Variants in EIF4G3 observed in about 807,000 individuals in gnomAD.
The protein encoded by EIF4G3 is eIF-4-gamma 3.
In EIF4G3, 34 loss-of-function variants were observed where a neutral mutation model predicts 186.4. The observed-to-expected ratio is 0.18, with a 90% CI of 0.14 to 0.24. The LOEUF (loss-of-function observed/expected upper bound fraction) is 0.24. EIF4G3 is among the 10% of genes least tolerant of loss of function. The pLI is 1.00. For missense variants in EIF4G3, 1,536 were observed against 1,948.5 expected (o/e 0.79, Z 3.99); for synonymous variants, 673 against 679.5 (o/e 0.99, Z 0.15).
chr1:21,159,736 G>A (rs1329612737), intron 2 of EIF4G3, among the ~76,000 whole-genome samples: 1 of 152,110 alleles, frequency 6.6e-6, no homozygotes, highest in Non-Finnish European at 1.5e-5. Flanking sequence ...GGAGGCCAAG[G>A]CTGGAAGATC....
At chr1:21,054,074 T>C (rs2094444940) in intron 3 of EIF4G3, among the ~76,000 whole-genome samples, 2 of 152,134 alleles carry the variant, frequency 1.3e-5, no homozygotes, top group Non-Finnish European at 2.9e-5. Context: ...GGTTGCCATG[T>C]CTGTGTAGAA....
At chr1:20,812,161 G>A (rs927635030) in intron 35 of EIF4G3, among the ~76,000 whole-genome samples, 2 of 152,152 alleles carry the variant, frequency 1.3e-5, no homozygotes, top group Admixed American at 1.3e-4. Context: ...CGTGGCTCAT[G>A]CCTGTAATTC....
intron 18 of EIF4G3, chr1:20,892,723 T>C (rs1452483488): frequency 5.9e-6 from 9 of 1,532,600 alleles, no homozygotes; most frequent in Admixed American, 2.0e-5. Context: ...CTCTGCACTT[T>C]GCAAATCTGT....
chr1:20,953,623 G>A (rs1254805923), intron 12 of EIF4G3, among the ~76,000 whole-genome samples: 1 of 151,948 alleles, frequency 6.6e-6, no homozygotes. Flanking sequence ...TCTTTACATA[G>A]GCACATTGTT....
chr1:21,119,599 T>C (rs2096891422), intron 2 of EIF4G3, among the ~76,000 whole-genome samples: 1 of 152,152 alleles, frequency 6.6e-6, no homozygotes, highest in Non-Finnish European at 1.5e-5. Context: ...AAACAAAAAG[T>C]AAATATTATG....
rs1479158132 is a variant in EIF4G3 at position 20,855,710 on chromosome 1, AG to A, written c.3340-640del. The stretch of plus-strand genomic sequence containing the variant: ...GCTGTAATGTAGCGCTTTGTAAAAA[AG>A]GTATTTCTATGGTCTGACAGCTCAT... On this transcript the variant is annotated intron_variant, in intron 25 of 36. Coordinates refer to ENST00000602326, the MANE Select transcript of EIF4G3 (RefSeq NM_001391906.1). Among the ~76,000 whole-genome samples, 4 of 152,370 alleles carry A rather than the reference AG, an allele frequency of 2.6e-5. No individual in the cohort carries two copies. The East Asian group carries it at 7.7e-4, about 29-fold the overall frequency.
intron 32 of EIF4G3, among the ~76,000 whole-genome samples, chr1:20,826,667 T>C (rs1368134902): frequency 6.6e-6 from 1 of 151,566 alleles, no homozygotes; most frequent in African/African-American, 2.4e-5. Flanking sequence ...TTTTTGTATT[T>C]TTAGTAGAGA....
chr1:20,879,388 C>T lies in EIF4G3; in HGVS notation c.2557G>A (p.Glu853Lys). ...AAACTGGGTTCATCAATAGCCTTCTCAAAGACCAGGTCAATAACTCCTTTC... is the reference window on the plus strand; with the variant it reads ...AAACTGGGTTCATCAATAGCCTTCTTAAAGACCAGGTCAATAACTCCTTTC... ...RLKGVIDLVFEKAIDEPSFSV... is the reference protein window; with the variant it reads ...RLKGVIDLVFKKAIDEPSFSV... Residue 853 changes from glutamate to lysine, a missense_variant, in exon 20 of 37, where the codon GAG becomes AAG. Glu to Lys is a moderately conservative substitution (Grantham distance 56). Transcript: ENST00000602326. 6.2e-7 allele frequency: 1 copy of T among 1,606,326 alleles called. No homozygotes were observed. The highest frequency in any genetic ancestry group is 8.5e-7 in the Non-Finnish European group (1 of 1,176,104).
chr1:20,900,855 T>C (rs957094424), intron 15 of EIF4G3, among the ~76,000 whole-genome samples: 1 of 152,202 alleles, frequency 6.6e-6, no homozygotes, highest in Non-Finnish European at 1.5e-5. Flanking sequence ...TAGTGTCATA[T>C]ATAGCAGAAA....
intron 4 of EIF4G3, among the ~76,000 whole-genome samples, chr1:21,049,509 C>T (rs891290717): frequency 6.6e-6 from 1 of 152,032 alleles, no homozygotes; most frequent in Non-Finnish European, 1.5e-5. Flanking sequence ...GTTTAAAACT[C>T]CAAATTATAT....
At chr1:21,153,257 ACT>A (rs1004759810) in intron 2 of EIF4G3, among the ~76,000 whole-genome samples, 10 of 152,102 alleles carry the variant, frequency 6.6e-5, no homozygotes, top group African/African-American at 2.4e-4. Flanking sequence ...CATCTCAAAG[ACT>A]CTTAGACAGA....
chr1:21,074,118 GTTTGAGAAAATCTAGATTC>G (rs1026620027), intron 3 of EIF4G3, among the ~76,000 whole-genome samples: 4 of 151,938 alleles, frequency 2.6e-5, no homozygotes, highest in African/African-American at 9.7e-5. Flanking sequence ...TTTGCCTAAC[GTTTGAGAAAATCTAGATTC>G]AAGTTTCTCA....
chr1:20,887,480 T>C (rs2084578367), intron 18 of EIF4G3, among the ~76,000 whole-genome samples: 1 of 152,140 alleles, frequency 6.6e-6, no homozygotes, highest in African/African-American at 2.4e-5. Flanking sequence ...ACATCAATCA[T>C]TCTCAGAATT....
At chr1:21,003,364 G>A (rs916185983) in intron 4 of EIF4G3, among the ~76,000 whole-genome samples, 2 of 151,492 alleles carry the variant, frequency 1.3e-5, no homozygotes. Flanking sequence ...AGATCCTCTC[G>A]CCTCATCCTC....
chr1:20,964,321 G>A (rs752173444), intron 12 of EIF4G3, among the ~76,000 whole-genome samples: 4 of 152,152 alleles, frequency 2.6e-5, no homozygotes, highest in South Asian at 2.1e-4. Context: ...AAGTGTTCTC[G>A]TGAGCCATGA....
rs1396586013 is a variant in EIF4G3, at chr1:21,176,703, G to A, written c.-456+19C>T. 1.6e-6 allele frequency: 1 copy of A among 644,322 alleles called. No homozygotes were observed. Among genetic ancestry groups the A allele is most frequent in the East Asian group, 3.2e-5 (1 of 30,980 alleles). 39.9% of individuals were successfully genotyped at this position (644,322 alleles called of 1,614,324 possible). The stretch of plus-strand genomic sequence containing the variant: ...GGGGGGGCCGGACCCGGCGGGGGCA[G>A]GAGGCGGAGAGACCGGACCTTTCAC... On this transcript the variant is annotated intron_variant, in intron 1 of 36. Coordinates refer to ENST00000602326, the MANE Select transcript of EIF4G3 (RefSeq NM_001391906.1).
At chr1:20,957,126 G>A (rs563697850) in intron 12 of EIF4G3, among the ~76,000 whole-genome samples, 3 of 152,148 alleles carry the variant, frequency 2.0e-5, no homozygotes, top group African/African-American at 7.2e-5. Context: ...AGCAATGAAA[G>A]GTTGCCAAGG....
chr1:20,817,277 TAAAA>T (rs376814165), intron 34 of EIF4G3, 111 bp downstream of exon 34: 42 of 258,670 alleles, frequency 1.6e-4, no homozygotes, highest in Non-Finnish European at 2.5e-4. Flanking sequence ...AATAAATAAA[TAAAA>T]AAAAATAAAA....
chr1:21,013,822 C>T (rs959458821), intron 4 of EIF4G3, among the ~76,000 whole-genome samples: 16 of 152,162 alleles, frequency 1.1e-4, no homozygotes, highest in African/African-American at 3.4e-4. Context: ...AATCAGTCCA[C>T]AAAGATTAGA....
Sources: allele counts gnomAD v4.1 joint callset (sites outside exome capture counted in the v4.1 genomes callset), GRCh38; gene constraint gnomAD v4.1.1; transcripts MANE v1.5; gene names NCBI Gene and HGNC (gene_info 2026-07-23, HGNC 2026-07-21).